Variants in TMEM132D observed in about 807,000 individuals in gnomAD.
The protein encoded by TMEM132D is transmembrane protein 132D.
In TMEM132D, 21 loss-of-function variants were observed where a neutral mutation model predicts 62.3. The observed-to-expected ratio is 0.34, with a 90% CI of 0.24 to 0.49. The LOEUF is 0.49. Among genes scored for constraint, TMEM132D ranks in the 20% least tolerant of loss-of-function variants. The probability of loss-of-function intolerance (pLI) is 0.99; values close to 1 mark genes in which losing one functional copy is unlikely to be tolerated. For synonymous variants in TMEM132D, 621 were observed against 575.6 expected (o/e 1.08, Z -1.13); for missense variants, 1,346 against 1,402.8 (o/e 0.96, Z 0.65).
chr12:129,335,666 T>A (rs192350070), intron 4 of TMEM132D, among the ~76,000 whole-genome samples: 1 of 152,284 alleles, frequency 6.6e-6, no homozygotes, highest in African/African-American at 2.4e-5. Flanking sequence ...TGAGCCTCAG[T>A]TTCCTCAAGT....
At position 129,727,244 on chromosome 12, in the gene TMEM132D, C is replaced by T. The variant is rs369290965; in HGVS notation, c.80-26546G>A. On this transcript the variant is annotated intron_variant, in intron 1 of 8. Transcript: ENST00000422113. The stretch of plus-strand genomic sequence containing the variant: ...TAGAAGTTTATATGGCTTATGGTTC[C>T]GGAGGTTGGGAAGTTCAAGAGCATG... Among the ~76,000 whole-genome samples the T allele has an allele frequency of 2.5e-4, 38 of 152,248 alleles. No homozygotes were observed. In the East Asian group the frequency reaches 3.7e-3, roughly 15 times the overall value.
At chr12:129,223,435 T>TC (rs1239720120) in intron 4 of TMEM132D, among the ~76,000 whole-genome samples, 2 of 152,042 alleles carry the variant, frequency 1.3e-5, no homozygotes, top group African/African-American at 4.8e-5. Context: ...GTAATCGGTA[T>TC]CCCCCACAGC....
intron 2 of TMEM132D, among the ~76,000 whole-genome samples, chr12:129,639,583 G>A (rs1368750029): frequency 6.6e-6 from 1 of 151,864 alleles, no homozygotes; most frequent in East Asian, 1.9e-4. Flanking sequence ...TTCCACCTGT[G>A]GCCAGCATTT....
intron 1 of TMEM132D, among the ~76,000 whole-genome samples, chr12:129,800,484 A>G (rs1474181487): frequency 6.6e-6 from 1 of 152,054 alleles, no homozygotes; most frequent in African/African-American, 2.4e-5. Flanking sequence ...CCATGGAGCT[A>G]TGCAGTTATA....
chr12:129,402,274 C>A (rs1168897304), intron 3 of TMEM132D, among the ~76,000 whole-genome samples: 1 of 152,126 alleles, frequency 6.6e-6, no homozygotes, highest in Non-Finnish European at 1.5e-5. Context: ...GAGGTCTGCA[C>A]AAAAGAAATC....
intron 3 of TMEM132D, among the ~76,000 whole-genome samples, chr12:129,454,178 C>G (rs146912609): frequency 5.6e-4 from 86 of 152,314 alleles, no homozygotes; most frequent in African/African-American, 1.9e-3. Flanking sequence ...GCAGAGTGCA[C>G]TGAATACTAT....
intron 5 of TMEM132D, among the ~76,000 whole-genome samples, chr12:129,167,912 T>TC (rs1565985024): frequency 1.3e-5 from 2 of 152,134 alleles, no homozygotes; most frequent in Non-Finnish European, 2.9e-5. Context: ...TGGTTCACTG[T>TC]CACCATCGAG....
At chr12:129,636,070 T>G (rs142498682) in intron 2 of TMEM132D, among the ~76,000 whole-genome samples, 1 of 152,318 alleles carries the variant, frequency 6.6e-6, no homozygotes, top group African/African-American at 2.4e-5. Context: ...AATAAGTATT[T>G]GTGGAGACCA....
intron 3 of TMEM132D, among the ~76,000 whole-genome samples, chr12:129,516,538 C>T (rs1875687669): frequency 6.6e-6 from 1 of 152,100 alleles, no homozygotes; most frequent in African/African-American, 2.4e-5. Flanking sequence ...CTTATAATAC[C>T]ATCAGATCTC....
At chr12:129,089,804 A>G (rs1048618035) in intron 5 of TMEM132D, among the ~76,000 whole-genome samples, 1 of 152,250 alleles carries the variant, frequency 6.6e-6, no homozygotes, top group Non-Finnish European at 1.5e-5. Flanking sequence ...GCCCGGAGAT[A>G]GAACTTTTCA....
chr12:129,788,657 A>G (rs1158478509), intron 1 of TMEM132D, among the ~76,000 whole-genome samples: 1 of 152,226 alleles, frequency 6.6e-6, no homozygotes, highest in Non-Finnish European at 1.5e-5. Flanking sequence ...TACAGGATGA[A>G]TTGATTGACT....
At chr12:129,602,744 AG>A (rs1402904656) in intron 2 of TMEM132D, among the ~76,000 whole-genome samples, 6 of 152,154 alleles carry the variant, frequency 3.9e-5, no homozygotes, top group Non-Finnish European at 8.8e-5. Flanking sequence ...CCCCCACCAG[AG>A]GGTTAATGTG....
At chr12:129,104,536 A>T (rs1875424074) in intron 5 of TMEM132D, among the ~76,000 whole-genome samples, 1 of 152,230 alleles carries the variant, frequency 6.6e-6, no homozygotes, top group Non-Finnish European at 1.5e-5. Context: ...GCCAAAATTG[A>T]CAAATGGGAT....
At chr12:129,262,383 A>G (rs1210382391) in intron 4 of TMEM132D, 1 of 152,158 alleles carries the variant, frequency 6.6e-6, no homozygotes, top group Non-Finnish European at 1.5e-5. Context: ...CTAGGTACCT[A>G]CTGAGTTTTA....
At chr12:129,415,431 C>T (rs1872088687) in intron 3 of TMEM132D, among the ~76,000 whole-genome samples, 1 of 152,148 alleles carries the variant, frequency 6.6e-6, no homozygotes, top group African/African-American at 2.4e-5. Context: ...GAAAAATTGT[C>T]CAGGCCGAAA....
chr12:129,121,506 G>A (rs959877564), intron 5 of TMEM132D, among the ~76,000 whole-genome samples: 2 of 152,180 alleles, frequency 1.3e-5, no homozygotes, highest in African/African-American at 4.8e-5. Context: ...AAGAAGATAC[G>A]AAGATGGATG....
At chr12:129,240,242 T>C (rs1006749470) in intron 4 of TMEM132D, among the ~76,000 whole-genome samples, 1 of 152,212 alleles carries the variant, frequency 6.6e-6, no homozygotes, top group Non-Finnish European at 1.5e-5. Context: ...TTGCTTTATG[T>C]ATAAAATGAC....
intron 3 of TMEM132D, among the ~76,000 whole-genome samples, chr12:129,458,000 G>A (rs547957851): frequency 1.3e-5 from 2 of 152,248 alleles, no homozygotes; most frequent in South Asian, 2.1e-4. Context: ...CTTCTCCATG[G>A]TTAGAGAAAC....
chr12:129,145,206 CCTTTT>C (rs1876858280), intron 5 of TMEM132D, among the ~76,000 whole-genome samples: 1 of 152,116 alleles, frequency 6.6e-6, no homozygotes, highest in South Asian at 2.1e-4. Context: ...CTATTCCTTT[CCTTTT>C]CATTTCATTG....
Sources: allele counts gnomAD v4.1 joint callset (sites outside exome capture counted in the v4.1 genomes callset), GRCh38; gene constraint gnomAD v4.1.1; transcripts MANE v1.5; gene names NCBI Gene and HGNC (gene_info 2026-07-23, HGNC 2026-07-21).